CALCR: variants seen among roughly 807,000 people sequenced by gnomAD.
CALCR encodes the protein calcitonin receptor.
CALCR carries 47 observed loss-of-function variants against 59.5 expected under a neutral mutation model. That is an observed-to-expected ratio of 0.79 (90% CI 0.63 to 1.01). CALCR has a LOEUF of 1.01. CALCR is among the 50% of genes least tolerant of loss of function. CALCR has a pLI of 0.00. For synonymous variants in CALCR, 213 were observed against 211.3 expected (o/e 1.01, Z -0.07); for missense variants, 566 against 597.1 (o/e 0.95, Z 0.54).
At chr7:93,480,024 T>C (rs1305536450) in intron 3 of CALCR, among the ~76,000 whole-genome samples, 1 of 151,900 alleles carries the variant, frequency 6.6e-6, no homozygotes, top group Non-Finnish European at 1.5e-5. Flanking sequence ...AAACAAAATA[T>C]GTTTTCTGCT....
intron 8 of CALCR, among the ~76,000 whole-genome samples, chr7:93,454,396 C>T (rs17165475): frequency 0.062 from 9,419 of 151,960 alleles, 930 homozygotes; most frequent in African/African-American, 0.21. Flanking sequence ...AAATAGGACT[C>T]GATTGTTTCA....
At position 93,520,452 on chromosome 7, in the gene CALCR, T is replaced by C. The variant is rs112698201; in HGVS notation, c.-26-33445A>G. ...AGAGAGTAAATGGAATATTTTCCAT[T>C]TGTTGCATCAGAAGAAGCATTATTG... On this transcript the variant is annotated intron_variant, in intron 2 of 13. Coordinates refer to ENST00000426151, the MANE Select transcript of CALCR (RefSeq NM_001742.4). Among the ~76,000 whole-genome samples the C allele has an allele frequency of 7.5e-4, 114 of 152,272 alleles. 2 individuals are homozygous for C. The highest frequency in any genetic ancestry group is 2.6e-3 in the African/African-American group (108 of 41,570).
intron 2 of CALCR, among the ~76,000 whole-genome samples, chr7:93,509,594 T>G (rs1801500638): frequency 6.6e-6 from 1 of 152,160 alleles, no homozygotes; most frequent in African/African-American, 2.4e-5. Flanking sequence ...TCTAAATCTT[T>G]GGCCAAAGCA....
At chr7:93,553,859 C>T (rs1233140815) in intron 2 of CALCR, among the ~76,000 whole-genome samples, 1 of 152,122 alleles carries the variant, frequency 6.6e-6, no homozygotes, top group Admixed American at 6.6e-5. Flanking sequence ...ATAGTAACTA[C>T]ATGGTACAAA....
intron 12 of CALCR, among the ~76,000 whole-genome samples, chr7:93,435,325 T>C (rs999247899): frequency 6.6e-6 from 1 of 152,136 alleles, no homozygotes; most frequent in Non-Finnish European, 1.5e-5. Flanking sequence ...CCAGCACTTA[T>C]TTATAAAGGA....
chr7:93,436,245 GT>G, intron 11 of CALCR, 75 bp from the exon 12 acceptor site: 1 of 1,220,294 alleles, frequency 8.2e-7, no homozygotes, highest in Non-Finnish European at 1.2e-6. Flanking sequence ...CTCAATTCTT[GT>G]TTATCCAGTG....
intron 2 of CALCR, among the ~76,000 whole-genome samples, chr7:93,524,597 C>T (rs1007177668): frequency 6.6e-6 from 1 of 151,982 alleles, no homozygotes; most frequent in Non-Finnish European, 1.5e-5. Flanking sequence ...AAAATGCTTT[C>T]TAGTACTAAG....
rs541723469 is a variant in CALCR, at chr7:93,537,232, A to G, written c.-27+37057T>C. Among the ~76,000 whole-genome samples the G allele has an allele frequency of 3.3e-5, 5 of 151,948 alleles. No individual in the cohort carries two copies. In the South Asian group the frequency reaches 6.2e-4, roughly 19 times the overall value. ...TAATAAAGTCTTTTTCTCTTATACAATGTTCCAAGTTTTAGGTTATAGTGA... is the reference window on the plus strand; with the variant it reads ...TAATAAAGTCTTTTTCTCTTATACAGTGTTCCAAGTTTTAGGTTATAGTGA... On this transcript the variant is annotated intron_variant, in intron 2 of 13. Transcript: ENST00000426151.
chr7:93,562,312 G>A (rs985724284), intron 2 of CALCR, among the ~76,000 whole-genome samples: 2 of 152,036 alleles, frequency 1.3e-5, no homozygotes, highest in African/African-American at 4.8e-5. Context: ...GTATCAACAA[G>A]CCTGATAATA....
chr7:93,548,870 GTGTGTGTGTC>G lies in CALCR; in HGVS notation c.-27+25409_-27+25418del, dbSNP rs879414070. 3.0e-3 allele frequency among the ~76,000 whole-genome samples: 239 copies of G among 80,510 alleles called. 1 individual carries two copies. Among genetic ancestry groups the G allele is most frequent in the Non-Finnish European group, 6.2e-3 (161 of 25,974 alleles). 52.8% of individuals were successfully genotyped at this position (80,510 alleles called of 152,430 possible). A position where few individuals can be genotyped will look rare whatever the true frequency, so the allele number is the denominator to read the frequency against. On this transcript the variant is annotated intron_variant, in intron 2 of 13. Coordinates refer to ENST00000426151, the MANE Select transcript of CALCR (RefSeq NM_001742.4). ...TGTGTGTGTGTGTGTGTGTGTGTGT[GTGTGTGTGTC>G]TGTGTGTGTGTATGAATTTCAAGTT...
intron 2 of CALCR, among the ~76,000 whole-genome samples, chr7:93,535,574 G>A (rs1563011409): frequency 6.6e-6 from 1 of 151,798 alleles, no homozygotes; most frequent in Non-Finnish European, 1.5e-5. Flanking sequence ...TAAACTCACA[G>A]TTTTTGAATG....
Position 93,510,678 on chromosome 7 carries a change from G to A in CALCR, c.-26-23671C>T, listed in dbSNP as rs1417895716. ...AGGCCAGGAGTTGGAGACCAGCCTG[G>A]GCAACATAAAGAGACACTGTCTCTA... On this transcript the variant is annotated intron_variant, in intron 2 of 13. Coordinates refer to ENST00000426151, the MANE Select transcript of CALCR (RefSeq NM_001742.4). 4.6e-5 allele frequency among the ~76,000 whole-genome samples: 7 copies of A among 151,972 alleles called. No homozygotes were observed. The East Asian group carries it at 1.4e-3, about 30-fold the overall frequency.
intron 2 of CALCR, among the ~76,000 whole-genome samples, chr7:93,572,331 T>C (rs776915128): frequency 2.1e-4 from 32 of 152,138 alleles, no homozygotes; most frequent in Non-Finnish European, 3.8e-4. Context: ...GGAAACCCTC[T>C]TGGTCAGTGG....
intron 2 of CALCR, among the ~76,000 whole-genome samples, chr7:93,517,320 T>TTTTTTTTTTTTATTATTCTCTAA (rs1186973922): frequency 6.6e-6 from 1 of 151,150 alleles, no homozygotes; most frequent in African/African-American, 2.4e-5. Context: ...TTTTTTAATT[T>TTTTTTTTTTTTATTATTCTCTAA]GCTAGCCATA....
At chr7:93,514,276 A>G (rs1303625850) in intron 2 of CALCR, among the ~76,000 whole-genome samples, 1 of 152,060 alleles carries the variant, frequency 6.6e-6, no homozygotes, top group Non-Finnish European at 1.5e-5. Context: ...CAGAAAAGAA[A>G]AAATACTATA....
chr7:93,467,992 T>C (rs1800476168), intron 7 of CALCR, among the ~76,000 whole-genome samples: 1 of 151,656 alleles, frequency 6.6e-6, no homozygotes, highest in Non-Finnish European at 1.5e-5. Flanking sequence ...TTTGTGAACA[T>C]ACTTGAGAAA....
At chr7:93,477,984 A>AAAAAAAAAAAAT (rs1562989520) in intron 4 of CALCR, among the ~76,000 whole-genome samples, 2 of 149,474 alleles carry the variant, frequency 1.3e-5, no homozygotes, top group African/African-American at 4.9e-5. Flanking sequence ...AAAAAAAAAA[A>AAAAAAAAAAAAT]AAAAAAAAAA....
chr7:93,551,359 T>C (rs947453331), intron 2 of CALCR, among the ~76,000 whole-genome samples: 1 of 152,224 alleles, frequency 6.6e-6, no homozygotes, highest in Non-Finnish European at 1.5e-5. Flanking sequence ...GCTCTGGATA[T>C]ATGCAGGCAA....
At chr7:93,550,929 A>C (rs915390273) in intron 2 of CALCR, among the ~76,000 whole-genome samples, 1 of 152,174 alleles carries the variant, frequency 6.6e-6, no homozygotes, top group African/African-American at 2.4e-5. Context: ...CATCTGTAAT[A>C]TTTAAAGGTA....
Sources: allele counts gnomAD v4.1 joint callset (sites outside exome capture counted in the v4.1 genomes callset), GRCh38; gene constraint gnomAD v4.1.1; transcripts MANE v1.5; gene names NCBI Gene and HGNC (gene_info 2026-07-23, HGNC 2026-07-21).